Variants in LIMCH1 observed in about 807,000 individuals in gnomAD.
LIMCH1 encodes LIM and calponin homology domains 1.
LIMCH1 carries 113 observed loss-of-function variants against 176.5 expected under a neutral mutation model. The observed-to-expected ratio is 0.64, with a 90% CI of 0.55 to 0.75. The LOEUF (loss-of-function observed/expected upper bound fraction) is 0.75. Ranked by LOEUF, LIMCH1 falls within the 30% of genes least tolerant of loss-of-function variation. LIMCH1 has a pLI of 0.00. For missense variants in LIMCH1, 1,674 were observed against 1,814.9 expected (o/e 0.92, Z 1.41); for synonymous variants, 619 against 645.9 (o/e 0.96, Z 0.63).
intron 31 of LIMCH1, 33 bp downstream of exon 31, chr4:41,692,417 G>A (rs1334786566): frequency 7.4e-6 from 10 of 1,343,446 alleles, no homozygotes; most frequent in East Asian, 4.6e-5. Flanking sequence ...CATGATGACC[G>A]AGTGTAATCG....
At chr4:41,678,885 A>T (rs1392261087) in intron 23 of LIMCH1, among the ~76,000 whole-genome samples, 5 of 152,278 alleles carry the variant, frequency 3.3e-5, no homozygotes, top group African/African-American at 1.2e-4. Context: ...TGTAGTTTTA[A>T]GGTCTCCTTC....
intron 1 of LIMCH1, among the ~76,000 whole-genome samples, chr4:41,363,420 T>C (rs2052465276): frequency 6.6e-6 from 1 of 152,210 alleles, no homozygotes; most frequent in South Asian, 2.1e-4. Context: ...CATAGGTTTT[T>C]TTTCTTTCTT....
intron 1 of LIMCH1, among the ~76,000 whole-genome samples, chr4:41,558,851 A>G (rs144528190): frequency 2.6e-5 from 4 of 152,294 alleles, no homozygotes; most frequent in African/African-American, 7.2e-5. Context: ...GTTCCTGTAT[A>G]TAATCTCAGT....
At chr4:41,502,999 G>GTCCATCCA (rs751124176) in intron 2 of LIMCH1, among the ~76,000 whole-genome samples, 32,136 of 138,070 alleles carry the variant, frequency 0.23, 4,486 homozygotes, top group East Asian at 0.31. Context: ...TGGTCTGTCT[G>GTCCATCCA]TCCATCCATC....
At chr4:41,589,164 C>T (rs2087019739) in intron 1 of LIMCH1, among the ~76,000 whole-genome samples, 1 of 152,132 alleles carries the variant, frequency 6.6e-6, no homozygotes, top group Non-Finnish European at 1.5e-5. Flanking sequence ...AATGAAAGAG[C>T]AGGTGTTATA....
In LIMCH1 at chr4:41,448,815, C is replaced by T. The variant is rs923766197; in HGVS notation, c.97-45721C>T. On this transcript the variant is annotated intron_variant, in intron 1 of 26. Coordinates refer to the LIMCH1 transcript ENST00000313860. ...GAACTTTGGCATCTGTAGGCTGATA[C>T]GGTGGTCTCCAAACTTTCTTTATTT... Among the ~76,000 whole-genome samples the T allele has an allele frequency of 3.9e-5, 6 of 152,036 alleles. No individual in the cohort carries two copies. The South Asian group carries it at 6.2e-4, about 16-fold the overall frequency.
rs182995284 is a variant in LIMCH1, at chr4:41,419,279, C to T, written c.96+58343C>T. Among the ~76,000 whole-genome samples the T allele has an allele frequency of 3.9e-5, 6 of 152,044 alleles. No individual in the cohort carries two copies. In the East Asian group the frequency reaches 1.2e-3, roughly 29 times the overall value. ...TGCAACCTTCGCCTCCCGGGTTCCA[C>T]AGATTCTCCTGCCTCAGCCTCCCGA... On this transcript the variant is annotated intron_variant, in intron 1 of 26. Transcript: ENST00000313860.
At chr4:41,381,523 G>A (rs1415186362) in intron 1 of LIMCH1, among the ~76,000 whole-genome samples, 3 of 152,158 alleles carry the variant, frequency 2.0e-5, no homozygotes, top group Non-Finnish European at 2.9e-5. Context: ...CATACCCCTT[G>A]CCAAGTGACT....
chr4:41,685,075 T>A (rs147023903), intron 27 of LIMCH1, among the ~76,000 whole-genome samples: 11 of 152,270 alleles, frequency 7.2e-5, no homozygotes, highest in African/African-American at 2.4e-4. Flanking sequence ...AAATGTTGAA[T>A]GATATAAAGA....
At chr4:41,527,435 A>C (rs1006428520) in intron 3 of LIMCH1, among the ~76,000 whole-genome samples, 4 of 152,200 alleles carry the variant, frequency 2.6e-5, no homozygotes, top group Non-Finnish European at 4.4e-5. Context: ...GCACTAAGAA[A>C]TCACAGCAGT....
chr4:41,433,108 T>C (rs1367209483), intron 1 of LIMCH1, among the ~76,000 whole-genome samples: 1 of 152,230 alleles, frequency 6.6e-6, no homozygotes, highest in Non-Finnish European at 1.5e-5. Flanking sequence ...TGCATGCTAA[T>C]TGGAGAAGGA....
At chr4:41,547,793 T>C (rs932171585) in intron 1 of LIMCH1, among the ~76,000 whole-genome samples, 5 of 143,308 alleles carry the variant, frequency 3.5e-5, no homozygotes, top group African/African-American at 5.1e-5. Context: ...ATACATATAT[T>C]ATAAATAAAT....
chr4:41,533,785 C>T (rs566526869), upstream of LIMCH1, among the ~76,000 whole-genome samples: 32 of 152,232 alleles, frequency 2.1e-4, no homozygotes, highest in African/African-American at 7.5e-4. Context: ...TTGAACAGGG[C>T]GTCTACAAAT....
intron 1 of LIMCH1, among the ~76,000 whole-genome samples, chr4:41,363,098 A>G (rs1346527447): frequency 6.6e-6 from 1 of 152,200 alleles, no homozygotes; most frequent in Non-Finnish European, 1.5e-5. Flanking sequence ...TAATTGCTCC[A>G]GGGGAAAGAT....
intron 1 of LIMCH1, among the ~76,000 whole-genome samples, chr4:41,487,053 G>A (rs2069724237): frequency 6.6e-6 from 1 of 151,696 alleles, no homozygotes; most frequent in Admixed American, 6.6e-5. Flanking sequence ...TAGAGATGGG[G>A]TTTCACCATG....
Position 41,633,639 on chromosome 4 carries a change from A to G in LIMCH1, c.1921A>G (p.Lys641Glu). Residue 641 changes from lysine to glutamate, a missense_variant, in exon 13 of 32, where the codon AAA (lysine) becomes GAA (glutamate). This residue lies in a region of LIMCH1 where 1,015 missense variants were observed against 1,102.5 expected (regional missense o/e 0.92). Transcript: ENST00000503057. The stretch of plus-strand genomic sequence containing the variant: ...TCCTGCCTGGAGTGGCAGTGGACTG[A>G]AAGGCCAGCGAAAGTTGGATGATTC... ...TAPAWSGSGLKGQRKLDDSRK... is the reference protein window; with the variant it reads ...TAPAWSGSGLEGQRKLDDSRK... 1.3e-6 allele frequency: 2 copies of G among 1,536,174 alleles called. No homozygotes were observed. Among genetic ancestry groups the G allele is most frequent in the Non-Finnish European group, 1.7e-6 (2 of 1,146,916 alleles).
Position 41,530,745 on chromosome 4 carries a change from A to G in LIMCH1, c.237+6267A>G, listed in dbSNP as rs376238814. 1.2e-4 allele frequency among the ~76,000 whole-genome samples: 16 copies of G among 129,350 alleles called. No individual in the cohort carries two copies. The East Asian group carries it at 3.5e-3, about 28-fold the overall frequency. 84.9% of individuals were successfully genotyped at this position (129,350 alleles called of 152,430 possible). A position where few individuals can be genotyped will look rare whatever the true frequency, so the allele number is the denominator to read the frequency against. On this transcript the variant is annotated intron_variant, in intron 3 of 26. Coordinates refer to the LIMCH1 transcript ENST00000313860. ...TTGCTTGAACCCAGGCAGTGAGCCG[A>G]GATTGTGCCATTGCACTCCAGCCGG...
chr4:41,550,079 A>G (rs1307630619), intron 1 of LIMCH1, among the ~76,000 whole-genome samples: 2 of 151,644 alleles, frequency 1.3e-5, no homozygotes, highest in Non-Finnish European at 2.9e-5. Flanking sequence ...TTGGCCATGT[A>G]CCCAAATTGT....
At chr4:41,575,840 A>G (rs950647043) in intron 1 of LIMCH1, among the ~76,000 whole-genome samples, 3 of 152,196 alleles carry the variant, frequency 2.0e-5, no homozygotes, top group Non-Finnish European at 4.4e-5. Context: ...AGATTCCCCT[A>G]TACTTTGGGC....
Sources: allele counts gnomAD v4.1 joint callset (sites outside exome capture counted in the v4.1 genomes callset), GRCh38; gene constraint gnomAD v4.1.1; regional missense constraint gnomAD v4.1.1; transcripts MANE v1.5; gene names NCBI Gene and HGNC (gene_info 2026-07-23, HGNC 2026-07-21).